Variants in PRRC2B observed in about 807,000 individuals in gnomAD.
PRRC2B encodes the protein proline rich coiled-coil 2B.
In PRRC2B, 68 loss-of-function variants were observed where a neutral mutation model predicts 242.3. The ratio of observed to expected loss-of-function variants is 0.28; its 90% CI spans 0.23 to 0.34. PRRC2B has a LOEUF of 0.34. PRRC2B is among the 10% of genes least tolerant of loss of function. The pLI, the probability that PRRC2B is intolerant of heterozygous loss-of-function variation, is 1.00. For synonymous variants in PRRC2B, 1,228 were observed against 1,173.6 expected (o/e 1.05, Z -0.95); for missense variants, 2,835 against 2,954.8 (o/e 0.96, Z 0.94).
intron 3 of PRRC2B, among the ~76,000 whole-genome samples, chr9:131,434,432 G>A (rs2994053): frequency 0.97 from 147,466 of 152,358 alleles, 71,544 homozygotes; most frequent in East Asian, 1. Flanking sequence ...GTGTTGGTGA[G>A]GGCATAGACC....
chr9:131,457,702 G>A (rs1165154389), intron 10 of PRRC2B, among the ~76,000 whole-genome samples: 1 of 151,796 alleles, frequency 6.6e-6, no homozygotes, highest in Non-Finnish European at 1.5e-5. Context: ...CATCCTTTCA[G>A]CCTGTCCTCC....
chr9:131,464,394 C>G (rs1295415306), intron 11 of PRRC2B, among the ~76,000 whole-genome samples: 1 of 152,164 alleles, frequency 6.6e-6, no homozygotes, highest in Admixed American at 6.5e-5. Flanking sequence ...GCTTCCTGTT[C>G]CGGTTCTTAG....
chr9:131,446,363 C>T lies in PRRC2B; in HGVS notation c.614-38C>T. On this transcript the variant is annotated intron_variant, in intron 6 of 31. Coordinates refer to ENST00000683519, the MANE Select transcript of PRRC2B (RefSeq NM_013318.4). This position sits in a 1 kb window ranked among gnomAD's most constrained non-coding sequence, Gnocchi z 4.1. ...CTCATACGATCCCTCCTTCCCCCTC[C>T]TCTTCCCTCTCCCCTTTTGCCCCCT... 6.2e-7 allele frequency: 1 copy of T among 1,609,774 alleles called. No homozygotes were observed. Among genetic ancestry groups the T allele is most frequent in the South Asian group, 1.1e-5 (1 of 90,842 alleles).
At chr9:131,423,763 A>G (rs1837909978) in intron 1 of PRRC2B, among the ~76,000 whole-genome samples, 3 of 152,088 alleles carry the variant, frequency 2.0e-5, no homozygotes, top group Admixed American at 6.6e-5. Context: ...AAGATTCTCC[A>G]CTTGTGCAGT....
chr9:131,421,775 G>C (rs1837848356), intron 1 of PRRC2B, among the ~76,000 whole-genome samples: 1 of 152,194 alleles, frequency 6.6e-6, no homozygotes, highest in Non-Finnish European at 1.5e-5. Flanking sequence ...TGGTGGCATG[G>C]CGTAAATAAA....
intron 1 of PRRC2B, among the ~76,000 whole-genome samples, chr9:131,412,221 C>G (rs1205073946): frequency 6.6e-6 from 1 of 152,184 alleles, no homozygotes; most frequent in Admixed American, 6.5e-5. Flanking sequence ...TCTGTTTGTT[C>G]TAATGTTTGT....
rs192363235 is a variant in PRRC2B, at chr9:131,383,172, C to T, written c.-56+9441C>T. Among the ~76,000 whole-genome samples, 465 of 152,176 alleles carry T rather than the reference C, an allele frequency of 3.1e-3. 2 individuals are homozygous for T. Among genetic ancestry groups the T allele is most frequent in the Middle Eastern group, 0.01 (3 of 294 alleles). ...GCACCTGCACCGAGAAGGCCTCCTCCGGCTCCCCAGCTGGAATCCATTTCC... is the reference window on the plus strand; with the variant it reads ...GCACCTGCACCGAGAAGGCCTCCTCTGGCTCCCCAGCTGGAATCCATTTCC... On this transcript the variant is annotated intron_variant, in intron 1 of 1. Coordinates refer to the PRRC2B transcript ENST00000682525.
Position 131,441,340 on chromosome 9 carries a change from G to A in PRRC2B, c.469+2279G>A, listed in dbSNP as rs183866021. On this transcript the variant is annotated intron_variant, in intron 5 of 31. Coordinates refer to ENST00000683519, the MANE Select transcript of PRRC2B (RefSeq NM_013318.4). ...GTGTTCACTTCTGAACCATGTCACT[G>A]TGTTACCTATAAAAAATGTAGGTAA... 3.3e-3 allele frequency among the ~76,000 whole-genome samples: 500 copies of A among 152,194 alleles called. 1 individual carries two copies. The highest frequency in any genetic ancestry group is 0.014 in the Middle Eastern group (4 of 294).
At chr9:131,384,370 C>G (rs141113919) in intron 1 of PRRC2B, among the ~76,000 whole-genome samples, 1,541 of 151,926 alleles carry the variant, frequency 0.01, 35 homozygotes, top group African/African-American at 0.036. Flanking sequence ...GCAACCTCCA[C>G]CTCCCAGGTT....
intron 1 of PRRC2B, among the ~76,000 whole-genome samples, chr9:131,404,245 G>A (rs1014017124): frequency 1.0e-4 from 15 of 149,504 alleles, no homozygotes; most frequent in African/African-American, 3.4e-4. Flanking sequence ...TGGTGGTGGG[G>A]ACAGAGTTTT....
intron 29 of PRRC2B, 31 bp downstream of exon 29, chr9:131,491,611 G>A (rs1403351458): frequency 7.6e-6 from 12 of 1,576,920 alleles, no homozygotes; most frequent in Non-Finnish European, 9.5e-6. Context: ...TCTGACCCTA[G>A]GGAGGGGGCC....
At chr9:131,471,242 T>C (rs1943537124) in intron 14 of PRRC2B, among the ~76,000 whole-genome samples, 1 of 152,230 alleles carries the variant, frequency 6.6e-6, no homozygotes, top group Non-Finnish European at 1.5e-5. Context: ...CTATGTCGTT[T>C]TGTCCTTCTT....
intron 28 of PRRC2B, among the ~76,000 whole-genome samples, chr9:131,488,552 A>G (rs1199357516): frequency 6.6e-6 from 1 of 151,744 alleles, no homozygotes; most frequent in Admixed American, 6.6e-5. Context: ...GTGAGCCACC[A>G]CCCCTGGCCC....
chr9:131,430,209 G>A lies in PRRC2B; in HGVS notation c.65G>A (p.Ser22Asn). 1 of 1,607,936 alleles carries A rather than the reference G, an allele frequency of 6.2e-7. No homozygotes were observed. The highest frequency in any genetic ancestry group is 1.1e-5 in the South Asian group (1 of 89,538). The change falls in exon 2 of 32, where the codon AGC becomes AAC. Residue 22 changes from serine to asparagine, a missense_variant. Physicochemically the swap from Ser to Asn is conservative, Grantham distance 46. Around this residue, in one of 7 missense-constraint regions of PRRC2B, gnomAD observed 626 missense variants for 685.5 expected, o/e 0.91. Coordinates refer to ENST00000683519, the MANE Select transcript of PRRC2B (RefSeq NM_013318.4). ...KDGKSKYSTL[S>N]LFDKYKGKSV... ...GGGAAAAGCAAGTACTCGACTCTCA[G>A]CCTGTTTGATAAGTATAAAGGAAAA...
chr9:131,438,892 C>G, intron 4 of PRRC2B, 97 bp from the exon 5 acceptor site: 1 of 908,220 alleles, frequency 1.1e-6, no homozygotes, highest in Non-Finnish European at 1.8e-6. Context: ...GGGTTTGAAT[C>G]TAAGGTGCTG....
chr9:131,496,740 CCTGGGCTCCTCTAAAGCCAGTGGATGTG>C lies in PRRC2B; in HGVS notation c.*873_*900del, dbSNP rs1459715081. On this transcript the variant is annotated 3_prime_UTR_variant, in exon 32 of 32. Coordinates refer to ENST00000683519, the MANE Select transcript of PRRC2B (RefSeq NM_013318.4). ...CATGAGAATCACACAGGGTCCCTGT[CCTGGGCTCCTCTAAAGCCAGTGGATGTG>C]CTGGGCACCAGAGACAAATCATGGA... 5 of 152,208 alleles carry C rather than the reference CCTGGGCTCCTCTAAAGCCAGTGGATGTG, an allele frequency of 3.3e-5. No individual in the cohort carries two copies. The highest frequency in any genetic ancestry group is 5.9e-5 in the Non-Finnish European group (4 of 68,046). 9.4% of individuals were successfully genotyped at this position (152,208 alleles called of 1,614,324 possible). A position where few individuals can be genotyped will look rare whatever the true frequency, so the allele number is the denominator to read the frequency against.
intron 1 of PRRC2B, among the ~76,000 whole-genome samples, chr9:131,374,521 C>CT (rs1037472414): frequency 9.1e-4 from 134 of 147,420 alleles, no homozygotes; most frequent in African/African-American, 2.6e-3. Flanking sequence ...TAACCTCGCT[C>CT]TTTTTTTTTT....
chr9:131,477,839 C>T lies in PRRC2B; in HGVS notation c.4502C>T (p.Ala1501Val). The change falls in exon 17 of 32, where the codon GCT (alanine) becomes GTT (valine). Residue 1501 changes from alanine to valine, a missense_variant. Physicochemically the swap from Ala to Val is moderately conservative, Grantham distance 64. This residue lies in a region of PRRC2B where 1,536 missense variants were observed against 1,483.1 expected (regional missense o/e 1.04). Coordinates refer to ENST00000683519, the MANE Select transcript of PRRC2B (RefSeq NM_013318.4). ...YALERAAHAS[A>V]DLPEASSKKA... ...CTGGAGCGGGCAGCCCATGCCAGTG[C>T]TGACCTTCCCGAAGCCTCCAGTAAA... 1 of 1,613,672 alleles carries T rather than the reference C, an allele frequency of 6.2e-7. No individual in the cohort carries two copies. The highest frequency in any genetic ancestry group is 8.5e-7 in the Non-Finnish European group (1 of 1,179,716).
chr9:131,392,060 G>A (rs1160374560), upstream of PRRC2B, among the ~76,000 whole-genome samples: 2 of 151,668 alleles, frequency 1.3e-5, no homozygotes, highest in Non-Finnish European at 2.9e-5. Context: ...AAGAATCTGA[G>A]GCTTCAGATA....
Sources: allele counts gnomAD v4.1 joint callset (sites outside exome capture counted in the v4.1 genomes callset), GRCh38; gene constraint gnomAD v4.1.1; regional missense constraint gnomAD v4.1.1; non-coding constraint Gnocchi (gnomAD v3.1); transcripts MANE v1.5; gene names NCBI Gene and HGNC (gene_info 2026-07-23, HGNC 2026-07-21).